Variants in TEX38 observed in about 807,000 individuals in gnomAD.
TEX38 encodes the protein testis expressed 38.
In TEX38, 5 loss-of-function variants were observed where a neutral mutation model predicts 2.7. That is an observed-to-expected ratio of 1.86 (90% confidence interval 0.97 to 3.90). The LOEUF (loss-of-function observed/expected upper bound fraction) is 3.90. TEX38 is among the 30% of genes most tolerant of loss of function. The pLI, the probability that TEX38 is intolerant of heterozygous loss-of-function variation, is 0.00. For missense variants in TEX38, 218 were observed against 247.9 expected (o/e 0.88, Z 0.81); for synonymous variants, 110 against 103.3 (o/e 1.06, Z -0.39).
In TEX38 at chr1:46,671,952, G is replaced by C. The variant is rs1294526577; in HGVS notation, c.18G>C (p.Glu6Asp). ...TCAGCTGTATGGATTCCCAACAGGA[G>C]GACCTGCGCTTCCCTGGGAGTAAGT... MDSQQEDLRFPGMWVS... is the reference protein window; with the variant it reads MDSQQDDLRFPGMWVS... The change falls in exon 1 of 2, where the codon GAG becomes GAC. Residue 6 changes from glutamate to aspartate, a missense_variant. Physicochemically the swap from Glu to Asp is conservative, Grantham distance 45. Coordinates refer to ENST00000334122, the MANE Select transcript of TEX38 (RefSeq NM_001145474.4). The C allele has an allele frequency of 7.8e-6, 12 of 1,545,388 alleles. No individual in the cohort carries two copies. The East Asian group carries it at 2.9e-4, about 38-fold the overall frequency.
chr1:46,672,506 A>G (rs1676601912), intron 1 of TEX38, among the ~76,000 whole-genome samples: 1 of 152,196 alleles, frequency 6.6e-6, no homozygotes, highest in South Asian at 2.1e-4. Flanking sequence ...GGGCCTCACA[A>G]AGTGCTGGTG....
intron 1 of TEX38, 137 bp from the exon 2 acceptor site, chr1:46,672,736 A>T (rs187292050): frequency 6.5e-6 from 5 of 772,194 alleles, no homozygotes; most frequent in South Asian, 5.6e-5. Context: ...TCAATAAGGG[A>T]GGGAAGGAAC....
At chr1:46,671,831 C>CT, upstream of TEX38, 1 of 1,205,538 alleles carries the variant, frequency 8.3e-7, no homozygotes, top group Non-Finnish European at 1.2e-6. Context: ...CCTGGGCATT[C>CT]TGGAGACTCT....
At chr1:46,669,004 C>T (rs2148830334), upstream of TEX38, 1 of 161,114 alleles carries the variant, frequency 6.2e-6, no homozygotes, top group Middle Eastern at 3.1e-3. Context: ...AAAGAAACAC[C>T]AGGATTACTC....
chr1:46,671,990 CCT>C lies in TEX38; in HGVS notation c.37+20_37+21del, dbSNP rs1292984047. 2.6e-6 allele frequency: 4 copies of C among 1,516,476 alleles called. No homozygotes were observed. The African/African-American group carries it at 5.5e-5, about 21-fold the overall frequency. 93.9% of individuals were successfully genotyped at this position (1,516,476 alleles called of 1,614,324 possible). ...CCTGGGAGTAAGTGCTCCTCCAGTC[CCT>C]GTCACTGGACTTGTGCCTTAGGGCT... On this transcript the variant is annotated intron_variant, in intron 1 of 1. Coordinates refer to ENST00000334122, the MANE Select transcript of TEX38 (RefSeq NM_001145474.4).
chr1:46,669,144 C>T, upstream of TEX38: 1 of 259,072 alleles, frequency 3.9e-6, no homozygotes, highest in South Asian at 4.6e-5. Flanking sequence ...GGGACAGTGA[C>T]ATTAACATCT....
rs1367214271 is a variant in TEX38 at position 46,672,932 on chromosome 1, A to G, written c.97A>G (p.Ile33Val). The change falls in exon 2 of 2, where the codon ATT (isoleucine) becomes GTT (valine). Residue 33 changes from isoleucine (I) to valine (V), a missense_variant. Ile to Val is a conservative substitution (Grantham distance 29, BLOSUM62 3). Coordinates refer to ENST00000334122, the MANE Select transcript of TEX38 (RefSeq NM_001145474.4). ...GTGTTCTGTGATAACTGGAGGGTGC[A>G]TTATCTTTCTGCACTGGAGGAAGAA... Reference protein sequence around the residue: ...GLCSVITGGCIIFLHWRKNLR... With the variant: ...GLCSVITGGCVIFLHWRKNLR... The G allele has an allele frequency of 6.4e-7, 1 of 1,551,554 alleles. No homozygotes were observed. The highest frequency in any genetic ancestry group is 1.4e-5 in the African/African-American group (1 of 73,010).
upstream of TEX38, among the ~76,000 whole-genome samples, chr1:46,670,225 G>T (rs1412994216): frequency 6.6e-6 from 1 of 152,124 alleles, no homozygotes; most frequent in Non-Finnish European, 1.5e-5. Flanking sequence ...AAAAAAAAGT[G>T]GCCAGATTTT....
At chr1:46,672,374 A>G (rs1275583295) in intron 1 of TEX38, among the ~76,000 whole-genome samples, 1 of 151,908 alleles carries the variant, frequency 6.6e-6, no homozygotes, top group African/African-American at 2.4e-5. Context: ...CCTCTGAAGT[A>G]GCTGGGACTG....
rs1373029885 is a variant in TEX38 at position 46,671,911 on chromosome 1, G to A, written c.-24G>A. On this transcript the variant is annotated 5_prime_UTR_variant, in exon 1 of 2. Transcript: ENST00000334122. ...TGAGTTCCCTCTCCCCAGAGCCATC[G>A]GCCAGGTACCAAAGCTCAGCTGTAT... The A allele has an allele frequency of 5.8e-6, 9 of 1,551,062 alleles. No homozygotes were observed. Among genetic ancestry groups the A allele is most frequent in the Admixed American group, 3.9e-5 (2 of 50,946 alleles).
Position 46,673,085 on chromosome 1 carries a change from G to T in TEX38, c.250G>T (p.Gly84Cys), listed in dbSNP as rs1277363596. ...CGGCATGAATGCAGCCATCAACACGGGCCCTGCCCCTGCTGTCACCAAGAC... is the reference window on the plus strand; with the variant it reads ...CGGCATGAATGCAGCCATCAACACGTGCCCTGCCCCTGCTGTCACCAAGAC... Reference protein sequence around the residue: ...RYGMNAAINTGPAPAVTKTET... With the variant: ...RYGMNAAINTCPAPAVTKTET... The change falls in exon 2 of 2, where the codon GGC becomes TGC. Residue 84 changes from glycine (G) to cysteine (C), a missense_variant. Gly to Cys is a radical substitution (Grantham distance 159). Transcript: ENST00000334122. The T allele has an allele frequency of 6.4e-7, 1 of 1,551,726 alleles. No homozygotes were observed. The highest frequency in any genetic ancestry group is 1.4e-5 in the African/African-American group (1 of 73,170).
chr1:46,673,391 T>G lies in TEX38; in HGVS notation c.556T>G (p.Ser186Ala), dbSNP rs1162065695. ...TCCTGAAAGGAATGTTCTCTTCCAT[T>G]CCCTCCTGAATCTGGCCCAGGAAGA... Reference protein sequence around the residue: ...TCPERNVLFHSLLNLAQEDHS... With the variant: ...TCPERNVLFHALLNLAQEDHS... Residue 186 changes from serine (S) to alanine (A), a missense_variant, in exon 2 of 2, where the codon TCC (serine) becomes GCC (alanine). Transcript: ENST00000334122. 1 of 1,551,850 alleles carries G rather than the reference T, an allele frequency of 6.4e-7. No individual in the cohort carries two copies. Among genetic ancestry groups the G allele is most frequent in the African/African-American group, 1.4e-5 (1 of 73,028 alleles).
Position 46,673,196 on chromosome 1 carries a change from A to T in TEX38, c.361A>T (p.Lys121Ter). Residue 121 changes from lysine (K) to a stop codon, truncating the protein, a stop_gained, in exon 2 of 2, where the codon AAG (lysine) becomes TAG (stop). Coordinates refer to ENST00000334122, the MANE Select transcript of TEX38 (RefSeq NM_001145474.4). LOFTEE classifies it low-confidence loss of function (END_TRUNC). ...RSHADQDSNP[K>*]AEAPAPLQPA... ...CCATGCTGACCAAGACAGCAACCCC[A>T]AGGCGGAAGCCCCTGCTCCCCTGCA... 6.4e-7 allele frequency: 1 copy of T among 1,551,018 alleles called. No homozygotes were observed. The highest frequency in any genetic ancestry group is 8.7e-7 in the Non-Finnish European group (1 of 1,146,594).
upstream of TEX38, among the ~76,000 whole-genome samples, chr1:46,670,726 G>T (rs946653870): frequency 2.6e-5 from 4 of 152,152 alleles, no homozygotes; most frequent in Non-Finnish European, 4.4e-5. Flanking sequence ...GAGAACAAGG[G>T]TAAGTGGACC....
At chr1:46,670,656 CA>C (rs1676569663), upstream of TEX38, among the ~76,000 whole-genome samples, 1 of 152,006 alleles carries the variant, frequency 6.6e-6, no homozygotes, top group African/African-American at 2.4e-5. Context: ...ATTTAGAGAT[CA>C]GGGGAAAAGG....
chr1:46,669,293 T>C (rs1676549949), upstream of TEX38: 1 of 404,944 alleles, frequency 2.5e-6, no homozygotes, highest in Admixed American at 2.7e-5. Flanking sequence ...TCAACTCTGC[T>C]CAATCCAACC....
chr1:46,671,236 G>A (rs1185550867), upstream of TEX38, among the ~76,000 whole-genome samples: 3 of 152,122 alleles, frequency 2.0e-5, no homozygotes, highest in South Asian at 2.1e-4. Flanking sequence ...GAATGAGCAG[G>A]GTCTGTTCAG....
Position 46,673,582 on chromosome 1 carries a change from G to GA in TEX38, c.*138dup, listed in dbSNP as rs201697740. 0.046 allele frequency: 24,935 copies of GA among 541,958 alleles called. 5 individuals carry two copies. Among genetic ancestry groups the GA allele is most frequent in the East Asian group, 0.075 (1,699 of 22,538 alleles). The allele number at this position is 541,958 out of a possible 1,614,324, so 33.6% of individuals were successfully genotyped here. A position where few individuals can be genotyped will look rare whatever the true frequency, so the allele number is the denominator to read the frequency against. On this transcript the variant is annotated 3_prime_UTR_variant, in exon 2 of 2. Transcript: ENST00000334122. ...GATGTCATGCTATGAAACATTAAAA[G>GA]AAAAAAAAAAAAGTCCAAGGCTCCC...
At position 46,673,497 on chromosome 1, in the gene TEX38, A is replaced by T. The variant is rs1676633724; in HGVS notation, c.*41A>T. ...GGTGGGAGCTGCAGGAATCAGGTGC[A>T]GAGTAGGAAATGGAACTAACCTCAG... On this transcript the variant is annotated 3_prime_UTR_variant, in exon 2 of 2. Coordinates refer to ENST00000334122, the MANE Select transcript of TEX38 (RefSeq NM_001145474.4). 2 of 1,491,812 alleles carry T rather than the reference A, an allele frequency of 1.3e-6. No individual in the cohort carries two copies. Among genetic ancestry groups the T allele is most frequent in the Non-Finnish European group, 1.8e-6 (2 of 1,111,378 alleles). 92.4% of individuals were successfully genotyped at this position (1,491,812 alleles called of 1,614,324 possible).
Sources: gnomAD v4.1 joint callset for allele counts (sites outside exome capture counted in the v4.1 genomes callset) on GRCh38, gnomAD v4.1.1 for gene constraint, MANE v1.5 for transcripts, NCBI Gene and HGNC (gene_info 2026-07-23, HGNC 2026-07-21) for gene names.